Variants in SLC9A4 observed in about 807,000 individuals in gnomAD.
SLC9A4 encodes the protein solute carrier family 9 member A4.
Under a neutral mutation model 67.4 loss-of-function variants are expected in SLC9A4, and 63 were observed. That is an observed-to-expected ratio of 0.93 (90% CI 0.76 to 1.15). SLC9A4 has a LOEUF of 1.15. Ranked by LOEUF, SLC9A4 falls within the 50% of genes most tolerant of loss-of-function variation. The pLI is 0.00. For synonymous variants in SLC9A4, 393 were observed against 367.2 expected (o/e 1.07, Z -0.80); for missense variants, 1,089 against 987.7 (o/e 1.10, Z -1.38).
At chr2:102,476,487 T>C (rs1684335167) in intron 1 of SLC9A4, among the ~76,000 whole-genome samples, 1 of 152,208 alleles carries the variant, frequency 6.6e-6, no homozygotes, top group Non-Finnish European at 1.5e-5. Flanking sequence ...CTGCTACAAC[T>C]GTGTAGAGAG....
intron 2 of SLC9A4, among the ~76,000 whole-genome samples, chr2:102,491,479 G>C (rs964748081): frequency 6.6e-6 from 1 of 151,882 alleles, no homozygotes; most frequent in South Asian, 2.1e-4. Context: ...GCAAAGCCAC[G>C]TTTTACATGG....
chr2:102,522,362 G>C (rs763042210), intron 9 of SLC9A4, among the ~76,000 whole-genome samples: 1 of 152,140 alleles, frequency 6.6e-6, no homozygotes, highest in South Asian at 2.1e-4. Flanking sequence ...AAGGCTCAAG[G>C]TCCAGTGGGA....
chr2:102,473,740 G>A lies in SLC9A4; in HGVS notation c.-20G>A. On this transcript the variant is annotated 5_prime_UTR_variant, in exon 1 of 12. It removes the in-frame stop codon of an upstream open reading frame in the 5' UTR. Transcript: ENST00000295269. ...TGGCACACATCCACACAGGGGTGTA[G>A]GTAGGAGAAGCCCACAGGAATGGCT... 3 of 1,612,402 alleles carry A rather than the reference G, an allele frequency of 1.9e-6. No homozygotes were observed. Among genetic ancestry groups the A allele is most frequent in the Non-Finnish European group, 2.5e-6 (3 of 1,179,448 alleles).
At chr2:102,491,420 A>G (rs181736599) in intron 2 of SLC9A4, among the ~76,000 whole-genome samples, 49 of 143,612 alleles carry the variant, frequency 3.4e-4, no homozygotes, top group African/African-American at 1.2e-3. Flanking sequence ...GGACTCAAGC[A>G]CCACATAGTT....
rs941899181 is a variant in SLC9A4 at position 102,482,411 on chromosome 2, C to T, written c.720+3109C>T. Among the ~76,000 whole-genome samples, 5 of 152,154 alleles carry T rather than the reference C, an allele frequency of 3.3e-5. No individual in the cohort carries two copies. In the East Asian group the frequency reaches 5.8e-4, roughly 18 times the overall value. On this transcript the variant is annotated intron_variant, in intron 2 of 11. Coordinates refer to ENST00000295269, the MANE Select transcript of SLC9A4 (RefSeq NM_001011552.4). ...TATATGTTGATATAAAATGATGATACGCCTAGAACAAGGACCTTATCCATC... is the reference window on the plus strand; with the variant it reads ...TATATGTTGATATAAAATGATGATATGCCTAGAACAAGGACCTTATCCATC...
At chr2:102,493,136 T>C (rs1684737160) in intron 2 of SLC9A4, among the ~76,000 whole-genome samples, 2 of 152,228 alleles carry the variant, frequency 1.3e-5, no homozygotes, top group South Asian at 4.1e-4. Context: ...TTCACACACC[T>C]TCCTGTCTTC....
chr2:102,475,983 G>A (rs192006627), intron 1 of SLC9A4, among the ~76,000 whole-genome samples: 34 of 152,080 alleles, frequency 2.2e-4, no homozygotes, highest in African/African-American at 5.1e-4. Flanking sequence ...TTCCATCAAG[G>A]TACATTTTCT....
intron 2 of SLC9A4, among the ~76,000 whole-genome samples, chr2:102,492,153 A>AT (rs946171443): frequency 1.4e-4 from 21 of 152,146 alleles, no homozygotes; most frequent in African/African-American, 4.6e-4. Context: ...AGCTGCTTTC[A>AT]TGGGCTGGTG....
intron 2 of SLC9A4, among the ~76,000 whole-genome samples, chr2:102,485,465 C>T (rs1345137331): frequency 1.3e-5 from 2 of 152,228 alleles, no homozygotes; most frequent in Admixed American, 6.5e-5. Flanking sequence ...CTCCTGATCC[C>T]TCATGCTAGA....
rs764698889 is a variant in SLC9A4 at position 102,479,111 on chromosome 2, C to G, written c.529C>G (p.Leu177Val). The stretch of plus-strand genomic sequence containing the variant: ...CAACGCCTTGGGCATTGGCCTCTCC[C>G]TCTACCTCATCTGCCAGGTGAAGGC... ...LINALGIGLS[L>V]YLICQVKAFG... is the part of the protein sequence containing the mutation. The change falls in exon 2 of 12, where the codon CTC becomes GTC. Residue 177 changes from leucine to valine, a missense_variant. By Grantham distance (32) the Leu-to-Val change is conservative. Transcript: ENST00000295269. The G allele has an allele frequency of 2.2e-5, 36 of 1,614,094 alleles. No individual in the cohort carries two copies. The South Asian group carries it at 3.8e-4, about 17-fold the overall frequency.
chr2:102,505,440 C>G lies in SLC9A4; in HGVS notation c.1167C>G (p.Thr389=), dbSNP rs752071196. The change falls in exon 4 of 12, where the codon ACC becomes ACG. Residue 389 remains threonine (T), a synonymous_variant. Transcript: ENST00000295269. Reference sequence around the variant, plus strand: ...GGAACTGGGCCTTCATCTGCTTCACCCTGGCCTTCTGCCAAATCTGGAGAG... The same window carrying G: ...GGAACTGGGCCTTCATCTGCTTCACGCTGGCCTTCTGCCAAATCTGGAGAG... ...HEWNWAFICF[T]LAFCQIWRAI... 1 of 1,614,164 alleles carries G rather than the reference C, an allele frequency of 6.2e-7. No homozygotes were observed. Among genetic ancestry groups the G allele is most frequent in the South Asian group, 1.1e-5 (1 of 91,086 alleles).
chr2:102,483,219 G>A (rs948290257), intron 2 of SLC9A4, among the ~76,000 whole-genome samples: 1 of 152,204 alleles, frequency 6.6e-6, no homozygotes, highest in African/African-American at 2.4e-5. Flanking sequence ...GGGCCACTCT[G>A]TGGTCACCCA....
intron 2 of SLC9A4, among the ~76,000 whole-genome samples, chr2:102,492,672 C>T (rs1684728723): frequency 6.6e-6 from 1 of 152,148 alleles, no homozygotes; most frequent in South Asian, 2.1e-4. Flanking sequence ...GGAGGGACTG[C>T]TGTGAAGGTC....
intron 2 of SLC9A4, among the ~76,000 whole-genome samples, chr2:102,485,828 C>T (rs757706814): frequency 6.6e-6 from 1 of 152,202 alleles, no homozygotes; most frequent in Non-Finnish European, 1.5e-5. Context: ...TGATTTTCCT[C>T]AAATTAACTG....
At position 102,526,278 on chromosome 2, in the gene SLC9A4, G is replaced by C; in HGVS notation, c.1970G>C (p.Arg657Pro). The change falls in exon 11 of 12, where the codon CGC (arginine) becomes CCC (proline). Residue 657 changes from arginine to proline, a missense_variant. Physicochemically the swap from Arg to Pro is moderately radical, Grantham distance 103. Coordinates refer to ENST00000295269, the MANE Select transcript of SLC9A4 (RefSeq NM_001011552.4). Reference sequence around the variant, plus strand: ...CCACAGGCTGGCACCAAGAATATCCGCTACCTCTCCTACCCCTACGGGAAT... The same window carrying C: ...CCACAGGCTGGCACCAAGAATATCCCCTACCTCTCCTACCCCTACGGGAAT... Reference protein sequence around the residue: ...WGKPAGTKNIRYLSYPYGNPQ... With the variant: ...WGKPAGTKNIPYLSYPYGNPQ... 6.2e-7 allele frequency: 1 copy of C among 1,613,612 alleles called. No individual in the cohort carries two copies. Among genetic ancestry groups the C allele is most frequent in the South Asian group, 1.1e-5 (1 of 91,076 alleles).
At chr2:102,508,559 C>T (rs6724109) in intron 5 of SLC9A4, among the ~76,000 whole-genome samples, 2 of 152,076 alleles carry the variant, frequency 1.3e-5, no homozygotes, top group African/African-American at 4.8e-5. Flanking sequence ...ATTAGTACTA[C>T]GTAGCACAAG....
chr2:102,510,704 C>T (rs1252765253), intron 6 of SLC9A4, among the ~76,000 whole-genome samples: 3 of 152,156 alleles, frequency 2.0e-5, no homozygotes, highest in East Asian at 1.9e-4. Context: ...CTAAAATCAC[C>T]GTTCCAATGA....
At position 102,531,169 on chromosome 2, in the gene SLC9A4, T is replaced by C. The variant is rs567022786; in HGVS notation, c.2039-1161T>C. On this transcript the variant is annotated intron_variant, in intron 11 of 11. Transcript: ENST00000295269. ...GCTCTGCCTCCCAGGTTCACGTCATTCTCCTGCCTCAGCCTCCCGAGTAGC... is the reference window on the plus strand; with the variant it reads ...GCTCTGCCTCCCAGGTTCACGTCATCCTCCTGCCTCAGCCTCCCGAGTAGC... 1.3e-3 allele frequency among the ~76,000 whole-genome samples: 204 copies of C among 151,384 alleles called. 1 individual carries two copies. The highest frequency in any genetic ancestry group is 2.3e-3 in the Non-Finnish European group (156 of 67,870).
At position 102,528,716 on chromosome 2, in the gene SLC9A4, G is replaced by A. The variant is rs957904711; in HGVS notation, c.2038+2370G>A. ...AGTACAATACACCTTGCAAAGTGGG[G>A]TTTATTCCAGAATTTGAGAGTTGTT... On this transcript the variant is annotated intron_variant, in intron 11 of 11. Coordinates refer to ENST00000295269, the MANE Select transcript of SLC9A4 (RefSeq NM_001011552.4). 2.0e-5 allele frequency among the ~76,000 whole-genome samples: 3 copies of A among 152,178 alleles called. No homozygotes were observed. In the East Asian group the frequency reaches 5.8e-4, roughly 29 times the overall value.
Sources: allele counts gnomAD v4.1 joint callset (sites outside exome capture counted in the v4.1 genomes callset), GRCh38; gene constraint gnomAD v4.1.1; transcripts MANE v1.5; gene names NCBI Gene and HGNC (gene_info 2026-07-23, HGNC 2026-07-21).